GNAQ: variants seen among roughly 807,000 people sequenced by gnomAD.
The protein encoded by GNAQ is guanine nucleotide-binding protein G(q) subunit alpha.
Under a neutral mutation model 43.9 loss-of-function variants are expected in GNAQ, and 8 were observed. That is an observed-to-expected ratio of 0.18 (90% confidence interval 0.11 to 0.33). The LOEUF (loss-of-function observed/expected upper bound fraction) is 0.33, where lower values mean the gene tolerates loss of function less well. GNAQ is among the 10% of genes least tolerant of loss of function. The pLI, the probability that GNAQ is intolerant of heterozygous loss-of-function variation, is 1.00. For missense variants in GNAQ, 158 were observed against 450.8 expected, an observed-to-expected ratio of 0.35 and a Z score of 5.88; for synonymous variants, 155 against 170.7, an observed-to-expected ratio of 0.91 and a Z score of 0.71.
chr9:77,864,354 C>T (rs1189125164), intron 2 of GNAQ, among the ~76,000 whole-genome samples: 2 of 152,150 alleles, frequency 1.3e-5, no homozygotes, highest in African/African-American at 2.4e-5. Context: ...CAAGGCCAAA[C>T]AAACCATATC....
intron 2 of GNAQ, among the ~76,000 whole-genome samples, chr9:77,899,483 T>C (rs1267199317): frequency 1.3e-5 from 2 of 151,208 alleles, no homozygotes; most frequent in African/African-American, 4.9e-5. Flanking sequence ...GTTCTAGGGA[T>C]ATAAGAGTGA....
chr9:77,775,900 G>A (rs1174196074), intron 5 of GNAQ, among the ~76,000 whole-genome samples: 1 of 151,966 alleles, frequency 6.6e-6, no homozygotes, highest in East Asian at 1.9e-4. Context: ...ACTCCAACCT[G>A]GGTGACAGAG....
In GNAQ at chr9:77,971,190, T is replaced by C. The variant is rs149771520; in HGVS notation, c.137-48845A>G. Among the ~76,000 whole-genome samples, 45 of 152,338 alleles carry C rather than the reference T, an allele frequency of 3.0e-4. No homozygotes were observed. The East Asian group carries it at 7.9e-3, about 27-fold the overall frequency. On this transcript the variant is annotated intron_variant, in intron 1 of 6. Coordinates refer to ENST00000286548, the MANE Select transcript of GNAQ (RefSeq NM_002072.5). ...ACCAGACGGATTCACAGCCGAATTC[T>C]ACCAGAGGTACAAAGAGGAGCTGAT... is the stretch of plus-strand genomic sequence containing the variant.
chr9:77,796,627 A>T (rs1340652697), intron 4 of GNAQ, among the ~76,000 whole-genome samples: 2 of 152,248 alleles, frequency 1.3e-5, no homozygotes, highest in Non-Finnish European at 2.9e-5. Context: ...ATAAATTTTC[A>T]TTCTATTTTG....
intron 5 of GNAQ, among the ~76,000 whole-genome samples, chr9:77,751,672 A>T (rs1825813517): frequency 6.6e-6 from 1 of 152,146 alleles, no homozygotes; most frequent in African/African-American, 2.4e-5. Flanking sequence ...AGAATCTGTA[A>T]CTCAGTCAAC....
chr9:77,851,403 G>A (rs1221155551), intron 2 of GNAQ, among the ~76,000 whole-genome samples: 1 of 152,108 alleles, frequency 6.6e-6, no homozygotes, highest in Non-Finnish European at 1.5e-5. Flanking sequence ...GTCATTATCT[G>A]CATATTCTGA....
intron 3 of GNAQ, among the ~76,000 whole-genome samples, chr9:77,810,183 CTATCT>C (rs1826894436): frequency 1.3e-5 from 2 of 152,184 alleles, no homozygotes; most frequent in African/African-American, 2.4e-5. Flanking sequence ...ATCTATCCAT[CTATCT>C]TATCTAAAAA....
intron 3 of GNAQ, among the ~76,000 whole-genome samples, chr9:77,802,248 T>C (rs76249067): frequency 0.015 from 2,339 of 152,214 alleles, 25 homozygotes; most frequent in Middle Eastern, 0.031. Context: ...GCTGCCCGCA[T>C]AACCCCCAAT....
intron 2 of GNAQ, among the ~76,000 whole-genome samples, chr9:77,842,759 G>A (rs1827512370): frequency 1.3e-5 from 2 of 152,102 alleles, no homozygotes; most frequent in Admixed American, 1.3e-4. Flanking sequence ...AAGCTGAGAT[G>A]GCTTCGGAAC....
chr9:77,963,371 C>A (rs930504469), intron 1 of GNAQ, among the ~76,000 whole-genome samples: 1 of 152,186 alleles, frequency 6.6e-6, no homozygotes, highest in Non-Finnish European at 1.5e-5. Context: ...ATAATTCTGA[C>A]TGAAAAATTA....
At chr9:77,913,304 ATAAT>A (rs1828839917) in intron 2 of GNAQ, among the ~76,000 whole-genome samples, 7 of 149,838 alleles carry the variant, frequency 4.7e-5, no homozygotes, top group South Asian at 2.1e-4. Flanking sequence ...TTATATATAT[ATAAT>A]TATAACAAAT....
intron 1 of GNAQ, among the ~76,000 whole-genome samples, chr9:77,947,664 G>C (rs983749858): frequency 6.6e-6 from 1 of 152,188 alleles, no homozygotes; most frequent in African/African-American, 2.4e-5. Flanking sequence ...ACAGTAAGTA[G>C]GCAGAATGGT....
At chr9:77,974,970 T>C (rs185684935) in intron 1 of GNAQ, among the ~76,000 whole-genome samples, 1 of 152,348 alleles carries the variant, frequency 6.6e-6, no homozygotes, top group Non-Finnish European at 1.5e-5. Flanking sequence ...TGGATCACTG[T>C]GAAGTCTTAG....
At chr9:77,732,316 G>T (rs1825506206) in intron 5 of GNAQ, among the ~76,000 whole-genome samples, 1 of 151,954 alleles carries the variant, frequency 6.6e-6, no homozygotes, top group African/African-American at 2.4e-5. Context: ...CCTCTTTTTG[G>T]GGTTTTGACC....
chr9:77,824,366 T>C (rs1827160370), intron 2 of GNAQ, among the ~76,000 whole-genome samples: 1 of 152,188 alleles, frequency 6.6e-6, no homozygotes, highest in African/African-American at 2.4e-5. Flanking sequence ...CTATTATGTT[T>C]TTCAAATGGA....
chr9:77,989,550 G>C (rs895543272), intron 1 of GNAQ, among the ~76,000 whole-genome samples: 1 of 152,240 alleles, frequency 6.6e-6, no homozygotes, highest in Non-Finnish European at 1.5e-5. Flanking sequence ...AGAAAACACT[G>C]CAAGAGAGAG....
intron 2 of GNAQ, among the ~76,000 whole-genome samples, chr9:77,914,629 T>C (rs907227645): frequency 2.0e-5 from 3 of 151,770 alleles, no homozygotes; most frequent in African/African-American, 7.3e-5. Flanking sequence ...GCCATTGCAC[T>C]CCAGCCTGGA....
chr9:77,753,430 T>C (rs1209433667), intron 5 of GNAQ, among the ~76,000 whole-genome samples: 2 of 152,208 alleles, frequency 1.3e-5, no homozygotes, highest in African/African-American at 2.4e-5. Flanking sequence ...AACAGTCCTT[T>C]TGTGAAGTAG....
chr9:77,919,060 C>T (rs1202281461), intron 2 of GNAQ, among the ~76,000 whole-genome samples: 1 of 152,140 alleles, frequency 6.6e-6, no homozygotes, highest in Non-Finnish European at 1.5e-5. Context: ...GCTGGGATTA[C>T]AGGCATGTGC....
Sources: gnomAD v4.1 joint callset for allele counts (sites outside exome capture counted in the v4.1 genomes callset) on GRCh38, gnomAD v4.1.1 for gene constraint, MANE v1.5 for transcripts, NCBI Gene and HGNC (gene_info 2026-07-23, HGNC 2026-07-21) for gene names.